Variants in SPPL2A observed in about 807,000 individuals in gnomAD.
SPPL2A encodes the protein signal peptide peptidase-like 2A.
Under a neutral mutation model 63.8 loss-of-function variants are expected in SPPL2A, and 51 were observed. That is an observed-to-expected ratio of 0.80 (90% CI 0.64 to 1.01). The LOEUF (loss-of-function observed/expected upper bound fraction) is 1.01, where lower values mean the gene tolerates loss of function less well. SPPL2A is among the 50% of genes least tolerant of loss of function. The pLI is 0.00. For synonymous variants in SPPL2A, 188 were observed against 205.8 expected (o/e 0.91, Z 0.74); for missense variants, 553 against 622.7 (o/e 0.89, Z 1.19).
intron 10 of SPPL2A, among the ~76,000 whole-genome samples, chr15:50,727,069 A>C (rs1161937090): frequency 6.6e-6 from 1 of 152,154 alleles, no homozygotes; most frequent in Non-Finnish European, 1.5e-5. Flanking sequence ...TTCATTTAAA[A>C]ATTTTTTCCT....
chr15:50,709,532 C>T (rs1017592322), intron 14 of SPPL2A, among the ~76,000 whole-genome samples: 1 of 152,128 alleles, frequency 6.6e-6, no homozygotes, highest in Non-Finnish European at 1.5e-5. Context: ...TGGCTCACGC[C>T]TGTAATCTCA....
intron 2 of SPPL2A, 53 bp downstream of exon 2, chr15:50,749,583 G>T: frequency 1.6e-6 from 2 of 1,216,780 alleles, no homozygotes; most frequent in Non-Finnish European, 2.4e-6. Flanking sequence ...ACCGTGCCCA[G>T]CCTCCTTCTT....
At chr15:50,761,066 G>A (rs1398402550) in intron 1 of SPPL2A, among the ~76,000 whole-genome samples, 1 of 152,044 alleles carries the variant, frequency 6.6e-6, no homozygotes, top group Non-Finnish European at 1.5e-5. Flanking sequence ...CTGGAGTACA[G>A]TGGCGTGATC....
At chr15:50,764,673 T>C (rs948829665) in intron 1 of SPPL2A, 2 of 152,016 alleles carry the variant, frequency 1.3e-5, no homozygotes, top group African/African-American at 4.8e-5. Flanking sequence ...AAACACCGGG[T>C]TCCTGACACC....
At chr15:50,714,493 T>C (rs1338143601) in intron 14 of SPPL2A, among the ~76,000 whole-genome samples, 2 of 151,960 alleles carry the variant, frequency 1.3e-5, no homozygotes, top group Non-Finnish European at 2.9e-5. Context: ...TAGCTGGGCA[T>C]GGTGGCGCAT....
chr15:50,735,114 A>G (rs1473829146), intron 8 of SPPL2A, among the ~76,000 whole-genome samples: 2 of 151,734 alleles, frequency 1.3e-5, no homozygotes, highest in African/African-American at 4.8e-5. Context: ...CATGTTGGTC[A>G]GGGTGGTCTC....
At chr15:50,762,899 ATT>A (rs34293425) in intron 1 of SPPL2A, among the ~76,000 whole-genome samples, 1 of 143,954 alleles carries the variant, frequency 6.9e-6, no homozygotes, top group Non-Finnish European at 1.5e-5. Context: ...CGCCCGGCTA[ATT>A]TTTTTTTTTT....
intron 1 of SPPL2A, among the ~76,000 whole-genome samples, chr15:50,755,627 C>CAAAAAAAAAA (rs148415568): frequency 6.1e-5 from 3 of 49,542 alleles, no homozygotes; most frequent in African/African-American, 9.3e-5. Flanking sequence ...CACCCTGTCT[C>CAAAAAAAAAA]AAAAAAAAAA....
chr15:50,731,167 T>C (rs1255527908), intron 9 of SPPL2A, 128 bp from the exon 10 acceptor site: 4 of 503,356 alleles, frequency 7.9e-6, no homozygotes, highest in Non-Finnish European at 1.4e-5. Flanking sequence ...AGATATCTTA[T>C]GGTTAATACT....
rs1160480838 is a variant in SPPL2A at position 50,704,731 on chromosome 15, T to C, written c.*3069A>G. 6.6e-6 allele frequency: 1 copy of C among 152,206 alleles called. No individual in the cohort carries two copies. The highest frequency in any genetic ancestry group is 2.4e-5 in the African/African-American group (1 of 41,454). The allele number at this position is 152,206 out of a possible 1,614,324, so 9.4% of individuals were successfully genotyped here. ...TGAGTCCCCAAATAAAATATTTCTG[T>C]ACTTTAATTTCTTAATCACTATTGT... On this transcript the variant is annotated 3_prime_UTR_variant, in exon 15 of 15. Transcript: ENST00000261854.
Position 50,720,076 on chromosome 15 carries a change from G to GT in SPPL2A, c.1351dup (p.Thr451AsnfsTer34). 4 of 1,613,066 alleles carry GT rather than the reference G, an allele frequency of 2.5e-6. No individual in the cohort carries two copies. The highest frequency in any genetic ancestry group is 3.4e-6 in the Non-Finnish European group (4 of 1,179,674). On this transcript the variant is annotated frameshift_variant, in exon 14 of 15. Transcript: ENST00000261854. LOFTEE classifies it high-confidence loss of function. ...TTTCATCAGCACCAGAACAACAAATGTAAGTATCATGCCAATAGCATAGGC... is the reference window on the plus strand; with the variant it reads ...TTTCATCAGCACCAGAACAACAAATGTTAAGTATCATGCCAATAGCATAGGC...
chr15:50,723,720 C>A (rs1044255114), intron 12 of SPPL2A, among the ~76,000 whole-genome samples: 3 of 152,232 alleles, frequency 2.0e-5, no homozygotes, highest in African/African-American at 7.2e-5. Flanking sequence ...AAGTGATCTA[C>A]CTGCCTCAGT....
At chr15:50,717,273 C>G (rs2062605635) in intron 14 of SPPL2A, among the ~76,000 whole-genome samples, 1 of 152,140 alleles carries the variant, frequency 6.6e-6, no homozygotes, top group South Asian at 2.1e-4. Context: ...CTTCCGGACT[C>G]AAGCAATCCT....
At chr15:50,722,225 T>C in intron 12 of SPPL2A, 24 bp from the exon 13 acceptor site, 2 of 1,409,960 alleles carry the variant, frequency 1.4e-6, no homozygotes, top group Non-Finnish European at 2.0e-6. Flanking sequence ...CAAAACATTA[T>C]TTTCTTAAAA....
intron 9 of SPPL2A, among the ~76,000 whole-genome samples, chr15:50,731,266 G>A (rs2062729066): frequency 6.6e-6 from 1 of 152,048 alleles, no homozygotes. Flanking sequence ...AATGTGCTGG[G>A]TTGGGCCTGG....
chr15:50,756,861 G>C (rs1321672110), intron 1 of SPPL2A, among the ~76,000 whole-genome samples: 1 of 152,114 alleles, frequency 6.6e-6, no homozygotes, highest in Non-Finnish European at 1.5e-5. Context: ...CTAAAACCGA[G>C]ATCAGTAGTC....
intron 9 of SPPL2A, among the ~76,000 whole-genome samples, chr15:50,731,779 T>G (rs1003694153): frequency 4.0e-5 from 6 of 149,960 alleles, no homozygotes; most frequent in African/African-American, 1.2e-4. Flanking sequence ...AATACAAAAA[T>G]TAGCAGGGCT....
intron 1 of SPPL2A, chr15:50,749,965 C>A: frequency 1.8e-6 from 1 of 561,930 alleles, no homozygotes; most frequent in Non-Finnish European, 3.2e-6. Flanking sequence ...GAAGATAGGT[C>A]ACTTTCTTAA....
Position 50,707,841 on chromosome 15 carries a change from C to G in SPPL2A, c.1522G>C (p.Glu508Gln). The change falls in exon 15 of 15, where the codon GAA becomes CAA. Residue 508 changes from glutamate (E) to glutamine (Q), a missense_variant. Glu to Gln is a conservative substitution (Grantham distance 29). Coordinates refer to ENST00000261854, the MANE Select transcript of SPPL2A (RefSeq NM_032802.4). ...TGTTCACCAGATATCACAGGGTTTT[C>G]TTCATTTGTTGCACAATCCAAATGG... Reference protein sequence around the residue: ...MDHLDCATNEENPVISGEQIV... With the variant: ...MDHLDCATNEQNPVISGEQIV... 3 of 1,600,046 alleles carry G rather than the reference C, an allele frequency of 1.9e-6. No individual in the cohort carries two copies. Among genetic ancestry groups the G allele is most frequent in the Non-Finnish European group, 2.6e-6 (3 of 1,167,208 alleles).
Sources: allele counts gnomAD v4.1 joint callset (sites outside exome capture counted in the v4.1 genomes callset), GRCh38; gene constraint gnomAD v4.1.1; transcripts MANE v1.5; gene names NCBI Gene and HGNC (gene_info 2026-07-23, HGNC 2026-07-21).